The following CSMD1 variants were observed in gnomAD, a reference collection of about 807,000 sequenced individuals.
The protein encoded by CSMD1 is CUB and Sushi multiple domains 1, also known as CUB and sushi domain-containing protein 1.
A neutral mutation model predicts 417.5 loss-of-function variants in CSMD1; 213 were observed. The observed-to-expected ratio is 0.51, with a 90% CI of 0.46 to 0.57. The LOEUF (loss-of-function observed/expected upper bound fraction) is 0.57, where lower values mean the gene tolerates loss of function less well. Among genes scored for constraint, CSMD1 ranks in the 20% least tolerant of loss-of-function variants. The probability of loss-of-function intolerance (pLI) is 0.00; values close to 1 mark genes in which losing one functional copy is unlikely to be tolerated. For missense variants in CSMD1, 6,923 were observed against 4,529.7 expected (o/e 1.53, Z -15.17); for synonymous variants, 2,862 against 1,736.8 (o/e 1.65, Z -16.11).
At chr8:3,961,027 T>C (rs891331133) in intron 5 of CSMD1, among the ~76,000 whole-genome samples, 2 of 151,954 alleles carry the variant, frequency 1.3e-5, no homozygotes, top group African/African-American at 4.8e-5. Flanking sequence ...CAATTCCCAT[T>C]TTAAAAAAGA....
rs375965934 is a variant in CSMD1, at chr8:4,929,504, G to T, written c.85+64828C>A. On this transcript the variant is annotated intron_variant, in intron 1 of 69. Transcript: ENST00000635120. ...AAAATGAGATGCTGGATATTTCAGG[G>T]AACTCCTGTCTTGATATTTCAGAAG... is the stretch of plus-strand genomic sequence containing the variant. Among the ~76,000 whole-genome samples the T allele has an allele frequency of 2.0e-5, 3 of 152,236 alleles. No homozygotes were observed. The South Asian group carries it at 6.2e-4, about 32-fold the overall frequency.
chr8:4,796,374 T>C (rs1376209646), intron 1 of CSMD1, among the ~76,000 whole-genome samples: 1 of 152,078 alleles, frequency 6.6e-6, no homozygotes, highest in African/African-American at 2.4e-5. Flanking sequence ...TTATAAAGTT[T>C]ATTCCTGATC....
At chr8:4,311,169 A>C (rs974663211) in intron 3 of CSMD1, among the ~76,000 whole-genome samples, 1 of 152,208 alleles carries the variant, frequency 6.6e-6, no homozygotes, top group South Asian at 2.1e-4. Context: ...AGTGGAATAT[A>C]AATCATTCCA....
chr8:4,839,763 T>G (rs2116768309), intron 1 of CSMD1, among the ~76,000 whole-genome samples: 1 of 152,304 alleles, frequency 6.6e-6, no homozygotes, highest in East Asian at 1.9e-4. Flanking sequence ...TTAAAAACCT[T>G]CCACAGAAAA....
intron 11 of CSMD1, among the ~76,000 whole-genome samples, chr8:3,478,986 C>T (rs1251998027): frequency 2.6e-5 from 4 of 152,024 alleles, no homozygotes; most frequent in Admixed American, 2.6e-4. Flanking sequence ...CGACCTCCCT[C>T]ATCGCCTCAC....
intron 4 of CSMD1, among the ~76,000 whole-genome samples, chr8:4,022,877 G>A (rs1172126883): frequency 6.6e-6 from 1 of 152,218 alleles, no homozygotes; most frequent in African/African-American, 2.4e-5. Flanking sequence ...ACATAGTTAA[G>A]AAGCAGAAAA....
chr8:3,041,613 G>A (rs1030807900), intron 50 of CSMD1, among the ~76,000 whole-genome samples: 1 of 152,200 alleles, frequency 6.6e-6, no homozygotes, highest in African/African-American at 2.4e-5. Flanking sequence ...ACATCTATCT[G>A]TAGAAATGTG....
intron 10 of CSMD1, among the ~76,000 whole-genome samples, chr8:3,558,607 C>G (rs1335976392): frequency 1.2e-4 from 16 of 129,728 alleles, no homozygotes; most frequent in African/African-American, 3.7e-4. Flanking sequence ...ACCCCGTGTC[C>G]ACTCCTCCAA....
At chr8:4,588,407 T>A (rs75973699) in intron 2 of CSMD1, among the ~76,000 whole-genome samples, 8,949 of 150,342 alleles carry the variant, frequency 0.06, 397 homozygotes, top group Non-Finnish European at 0.087. Flanking sequence ...AAGACAGAGA[T>A]AAAGAACTAT....
At chr8:3,994,953 C>G (rs1226608616) in intron 5 of CSMD1, among the ~76,000 whole-genome samples, 2 of 152,156 alleles carry the variant, frequency 1.3e-5, no homozygotes, top group Non-Finnish European at 2.9e-5. Flanking sequence ...CACTCACAGT[C>G]ACTCGCACCA....
At chr8:3,093,312 G>C (rs962521467) in intron 47 of CSMD1, among the ~76,000 whole-genome samples, 7 of 152,172 alleles carry the variant, frequency 4.6e-5, no homozygotes, top group African/African-American at 1.4e-4. Flanking sequence ...GCTTGGAGGA[G>C]AGTCCCGCCC....
chr8:3,237,623 T>TACTATAAATATA (rs1799230450), intron 26 of CSMD1, among the ~76,000 whole-genome samples: 2 of 141,192 alleles, frequency 1.4e-5, no homozygotes, highest in African/African-American at 5.1e-5. Context: ...ACTATAAATA[T>TACTATAAATATA]ATTTTTTATA....
intron 2 of CSMD1, among the ~76,000 whole-genome samples, chr8:4,520,708 A>C (rs1585195973): frequency 6.6e-6 from 1 of 152,202 alleles, no homozygotes; most frequent in East Asian, 1.9e-4. Flanking sequence ...GAAAGTCAGA[A>C]TCCTGAACTT....
intron 1 of CSMD1, among the ~76,000 whole-genome samples, chr8:4,767,267 T>G (rs1238690126): frequency 6.6e-6 from 1 of 152,218 alleles, no homozygotes. Context: ...ACAAAACTTT[T>G]AAATGCCAAT....
rs1437908758 is a variant in CSMD1 at position 4,058,899 on chromosome 8, C to G, written c.416-26800G>C. ...ACAGATCAACGAGAGAGAAAGTTAA[C>G]AAGGATACCCAGGAATTGAACTCAG... is the stretch of plus-strand genomic sequence containing the variant. On this transcript the variant is annotated intron_variant, in intron 3 of 69. Coordinates refer to ENST00000635120, the MANE Select transcript of CSMD1 (RefSeq NM_033225.6). Among the ~76,000 whole-genome samples, 32 of 151,994 alleles carry G rather than the reference C, an allele frequency of 2.1e-4. 1 individual carries two copies. The highest frequency in any genetic ancestry group is 2.0e-3 in the Admixed American group (30 of 15,256).
intron 4 of CSMD1, among the ~76,000 whole-genome samples, chr8:4,016,500 G>A (rs972695225): frequency 6.6e-6 from 1 of 152,122 alleles, no homozygotes; most frequent in Non-Finnish European, 1.5e-5. Flanking sequence ...GGAGGACAAG[G>A]AGGTCCAAGG....
At position 4,991,973 on chromosome 8, in the gene CSMD1, T is replaced by C. The variant is rs117606052; in HGVS notation, c.85+2359A>G. 9.5e-4 allele frequency among the ~76,000 whole-genome samples: 145 copies of C among 152,250 alleles called. 4 individuals carry two copies. The East Asian group carries it at 0.023, about 24-fold the overall frequency. On this transcript the variant is annotated intron_variant, in intron 1 of 69. Coordinates refer to ENST00000635120, the MANE Select transcript of CSMD1 (RefSeq NM_033225.6). Reference sequence around the variant, plus strand: ...CAGTGAGAGCTACGTCCGAGCGTCCTGGACCCCCTCCGCGCGCACACACTT... The same window carrying C: ...CAGTGAGAGCTACGTCCGAGCGTCCCGGACCCCCTCCGCGCGCACACACTT...
intron 3 of CSMD1, among the ~76,000 whole-genome samples, chr8:4,170,921 A>G (rs561413947): frequency 1.3e-5 from 2 of 151,926 alleles, no homozygotes; most frequent in East Asian, 3.9e-4. Flanking sequence ...ACTTATTCCA[A>G]TGCCTGTACA....
intron 3 of CSMD1, among the ~76,000 whole-genome samples, chr8:4,158,380 C>T (rs1252912518): frequency 6.6e-6 from 1 of 152,048 alleles, no homozygotes; most frequent in Non-Finnish European, 1.5e-5. Flanking sequence ...AATATGAATA[C>T]AGCCACTAGT....
Sources: gnomAD v4.1 joint callset for allele counts (sites outside exome capture counted in the v4.1 genomes callset) on GRCh38, gnomAD v4.1.1 for gene constraint, MANE v1.5 for transcripts, NCBI Gene and HGNC (gene_info 2026-07-23, HGNC 2026-07-21) for gene names.